HOMER1: variants seen among roughly 807,000 people sequenced by gnomAD.
HOMER1 encodes homer scaffold protein 1.
HOMER1 carries 3 observed loss-of-function variants against 48.9 expected under a neutral mutation model. That is an observed-to-expected ratio of 0.06 (90% CI 0.03 to 0.16). The LOEUF (loss-of-function observed/expected upper bound fraction) is 0.16. Among genes scored for constraint, HOMER1 ranks in the 10% least tolerant of loss-of-function variants. The probability of loss-of-function intolerance (pLI) is 1.00; values close to 1 mark genes in which losing one functional copy is unlikely to be tolerated. For synonymous variants in HOMER1, 134 were observed against 146.4 expected, an observed-to-expected ratio of 0.92 and a Z score of 0.61; for missense variants, 247 against 411.4, an observed-to-expected ratio of 0.60 and a Z score of 3.46.
chr5:79,409,236 C>A (rs1247549069), intron 5 of HOMER1, among the ~76,000 whole-genome samples: 9 of 151,696 alleles, frequency 5.9e-5, no homozygotes, highest in Admixed American at 5.9e-4. Context: ...AGTTTGAGAC[C>A]AGCCTGGTCA....
intron 8 of HOMER1, among the ~76,000 whole-genome samples, chr5:79,382,578 G>A (rs888574856): frequency 1.1e-4 from 16 of 152,128 alleles, no homozygotes; most frequent in African/African-American, 3.9e-4. Context: ...CTTTGTAAAT[G>A]AAGGAGAAAT....
rs772069998 is a variant in HOMER1, at chr5:79,409,084, G to GAAAAAAAA, written c.528-7037_528-7030dup. ...TTGATGAAGCAAGATTTTGTCTTGA[G>GAAAAAAAA]AAAAAAAAAAAAATTGAAGAGCTCC... On this transcript the variant is annotated intron_variant, in intron 5 of 8. Transcript: ENST00000334082. Among the ~76,000 whole-genome samples the GAAAAAAAA allele has an allele frequency of 9.1e-5, 10 of 109,560 alleles. 1 individual carries two copies. Among genetic ancestry groups the GAAAAAAAA allele is most frequent in the African/African-American group, 2.7e-4 (6 of 22,218 alleles). The allele number at this position is 109,560 out of a possible 152,430, so 71.9% of individuals were successfully genotyped here. A position where few individuals can be genotyped will look rare whatever the true frequency, so the allele number is the denominator to read the frequency against.
At chr5:79,460,865 G>A (rs1461385826) in intron 1 of HOMER1, among the ~76,000 whole-genome samples, 2 of 152,180 alleles carry the variant, frequency 1.3e-5, no homozygotes, top group African/African-American at 4.8e-5. Flanking sequence ...GACAAAGAAG[G>A]AATCTGAGTC....
At chr5:79,485,448 A>G (rs529025977) in intron 1 of HOMER1, among the ~76,000 whole-genome samples, 134 of 152,304 alleles carry the variant, frequency 8.8e-4, no homozygotes, top group African/African-American at 3.1e-3. Context: ...TTAAGGAGTT[A>G]AAGGACTGAC....
intron 2 of HOMER1, among the ~76,000 whole-genome samples, chr5:79,452,785 T>C (rs1300558140): frequency 6.6e-6 from 1 of 152,212 alleles, no homozygotes; most frequent in Admixed American, 6.5e-5. Flanking sequence ...TTAAGTGTTT[T>C]TACCTCAGAC....
chr5:79,483,740 T>C (rs1752010353), intron 1 of HOMER1, among the ~76,000 whole-genome samples: 1 of 145,254 alleles, frequency 6.9e-6, no homozygotes, highest in Non-Finnish European at 1.5e-5. Context: ...TAAAAGATAA[T>C]TGACCGTTTA....
intron 1 of HOMER1, chr5:79,510,640 C>T: frequency 1.1e-6 from 1 of 908,480 alleles, no homozygotes; most frequent in Non-Finnish European, 1.8e-6. Flanking sequence ...GTGCACATGC[C>T]AAGGCTATCA....
At chr5:79,397,458 T>C (rs774371761) in intron 7 of HOMER1, 69 bp downstream of exon 7, 1 of 965,164 alleles carries the variant, frequency 1.0e-6, no homozygotes, top group Non-Finnish European at 1.6e-6. Flanking sequence ...CTTTTAAATT[T>C]GACATGGAAT....
chr5:79,483,442 G>T (rs1043250104), intron 1 of HOMER1, among the ~76,000 whole-genome samples: 1 of 151,842 alleles, frequency 6.6e-6, no homozygotes, highest in Non-Finnish European at 1.5e-5. Context: ...TGTACTAAAT[G>T]CACTGAATTG....
chr5:79,419,091 C>T (rs1375220894), intron 5 of HOMER1, among the ~76,000 whole-genome samples: 1 of 150,108 alleles, frequency 6.7e-6, no homozygotes, highest in South Asian at 2.1e-4. Context: ...TATGGATGGA[C>T]AAATAAAATA....
intron 8 of HOMER1, among the ~76,000 whole-genome samples, chr5:79,384,464 G>C (rs6874233): frequency 0.27 from 40,917 of 151,934 alleles, 8,356 homozygotes; most frequent in African/African-American, 0.55. Flanking sequence ...AATAAAAAAC[G>C]TGAACAGACC....
At chr5:79,493,524 G>A (rs1752344434) in intron 1 of HOMER1, among the ~76,000 whole-genome samples, 1 of 152,130 alleles carries the variant, frequency 6.6e-6, no homozygotes, top group African/African-American at 2.4e-5. Flanking sequence ...ATCAATGAAT[G>A]TTTGTTAAAG....
At chr5:79,483,968 C>G (rs1197451364) in intron 1 of HOMER1, among the ~76,000 whole-genome samples, 1 of 147,606 alleles carries the variant, frequency 6.8e-6, no homozygotes, top group Admixed American at 6.9e-5. Context: ...GTTGCTTGAA[C>G]CTGGGAGGCA....
intron 1 of HOMER1, among the ~76,000 whole-genome samples, chr5:79,483,261 CAGA>C (rs1179814340): frequency 1.3e-5 from 2 of 151,970 alleles, no homozygotes; most frequent in Non-Finnish European, 2.9e-5. Flanking sequence ...CAATGCAAAC[CAGA>C]AGAAGACAGA....
chr5:79,403,450 T>C (rs139805890), intron 5 of HOMER1, among the ~76,000 whole-genome samples: 14 of 152,296 alleles, frequency 9.2e-5, no homozygotes, highest in Non-Finnish European at 1.6e-4. Context: ...GTACAGAGAA[T>C]GACACAAGAT....
chr5:79,400,507 C>T (rs1348739574), intron 6 of HOMER1, among the ~76,000 whole-genome samples: 1 of 151,582 alleles, frequency 6.6e-6, no homozygotes, highest in Non-Finnish European at 1.5e-5. Context: ...TAGGGACATG[C>T]CATCACACCC....
intron 1 of HOMER1, among the ~76,000 whole-genome samples, chr5:79,484,178 G>T (rs780861131): frequency 6.6e-6 from 1 of 151,732 alleles, no homozygotes; most frequent in Non-Finnish European, 1.5e-5. Flanking sequence ...ATCACCTAAA[G>T]GTAGACTGTG....
chr5:79,408,321 G>A (rs1435362563), intron 5 of HOMER1, among the ~76,000 whole-genome samples: 2 of 152,154 alleles, frequency 1.3e-5, no homozygotes, highest in African/African-American at 4.8e-5. Flanking sequence ...TCAAAATGAA[G>A]GTGAAATAAA....
At chr5:79,379,091 TATATATATATATATATATATATAA>T (rs1248724122) in intron 8 of HOMER1, among the ~76,000 whole-genome samples, 8 of 56,690 alleles carry the variant, frequency 1.4e-4, no homozygotes, top group Admixed American at 6.0e-4. Flanking sequence ...TATATATATA[TATATATATATATATATATATATAA>T]AATATATAAA....
Sources: gnomAD v4.1 joint callset for allele counts (sites outside exome capture counted in the v4.1 genomes callset) on GRCh38, gnomAD v4.1.1 for gene constraint, MANE v1.5 for transcripts, NCBI Gene and HGNC (gene_info 2026-07-23, HGNC 2026-07-21) for gene names.